Variants in SORBS2 observed in about 807,000 individuals in gnomAD.
SORBS2 encodes sorbin and SH3 domain-containing protein 2.
SORBS2 carries 46 observed loss-of-function variants against 97.7 expected under a neutral mutation model. The ratio of observed to expected loss-of-function variants is 0.47; its 90% CI spans 0.37 to 0.60. The LOEUF is 0.60. SORBS2 is among the 20% of genes least tolerant of loss of function. SORBS2 has a pLI of 0.00. For missense variants in SORBS2, 1,316 were observed against 1,282.3 expected (o/e 1.03, Z -0.40); for synonymous variants, 476 against 473.4 (o/e 1.01, Z -0.07).
intron 1 of SORBS2, among the ~76,000 whole-genome samples, chr4:185,941,001 A>G (rs567709862): frequency 6.6e-6 from 1 of 152,264 alleles, no homozygotes; most frequent in Non-Finnish European, 1.5e-5. Context: ...GCTACAATGC[A>G]CTGGACAGCT....
intron 2 of SORBS2, among the ~76,000 whole-genome samples, chr4:185,768,705 AAAAAAAC>A (rs2098951111): frequency 9.7e-6 from 1 of 102,800 alleles, no homozygotes; most frequent in Non-Finnish European, 2.0e-5. Context: ...TCTCAAAAAA[AAAAAAAC>A]AAAAAAACAA....
intron 1 of SORBS2, among the ~76,000 whole-genome samples, chr4:185,879,589 C>T (rs1042799604): frequency 6.6e-6 from 1 of 152,162 alleles, no homozygotes; most frequent in Admixed American, 6.5e-5. Context: ...CCTGAGGAAT[C>T]GCCACAATGA....
chr4:185,683,700 G>A, intron 2 of SORBS2, among the ~76,000 whole-genome samples: 1 of 152,034 alleles, frequency 6.6e-6, no homozygotes, highest in South Asian at 2.1e-4. Context: ...TCACTAGCCT[G>A]GCATTTAAAC....
chr4:185,702,683 A>T (rs1251754141), intron 2 of SORBS2, among the ~76,000 whole-genome samples: 1 of 151,696 alleles, frequency 6.6e-6, no homozygotes, highest in Non-Finnish European at 1.5e-5. Context: ...ATTGTACTAA[A>T]GTGGGAGTCG....
intron 1 of SORBS2, among the ~76,000 whole-genome samples, chr4:185,816,181 T>C (rs186327094): frequency 6.6e-6 from 1 of 152,356 alleles, no homozygotes; most frequent in East Asian, 1.9e-4. Context: ...CTGGTTCGTA[T>C]TTTGAAATCC....
rs556189762 is a variant in SORBS2, at chr4:185,626,069, A to G, written c.634+763T>C. The stretch of plus-strand genomic sequence containing the variant: ...GGGGCTGGTTCAATCCTCACTCTCC[A>G]TCTCAGAAATATTCCTGTCCTCAAG... On this transcript the variant is annotated intron_variant, in intron 6 of 14. Coordinates refer to ENST00000418609, the Ensembl canonical transcript of SORBS2. Among the ~76,000 whole-genome samples, 37 of 152,348 alleles carry G rather than the reference A, an allele frequency of 2.4e-4. No homozygotes were observed. In the South Asian group the frequency reaches 6.0e-3, roughly 25 times the overall value.
intron 1 of SORBS2, among the ~76,000 whole-genome samples, chr4:185,824,988 G>A (rs1413708670): frequency 6.6e-6 from 1 of 152,158 alleles, no homozygotes; most frequent in Non-Finnish European, 1.5e-5. Flanking sequence ...CAGTTTCTGA[G>A]AGGAACACCT....
chr4:185,861,257 T>C (rs1018990558), intron 1 of SORBS2, among the ~76,000 whole-genome samples: 5 of 149,094 alleles, frequency 3.4e-5, no homozygotes, highest in African/African-American at 1.2e-4. Context: ...TTTTCAGGTT[T>C]CTTTGGAATG....
chr4:185,773,947 T>TG (rs1298462379), intron 2 of SORBS2: 1 of 150,464 alleles, frequency 6.6e-6, no homozygotes, highest in Non-Finnish European at 1.5e-5. Flanking sequence ...TACTAAGGTT[T>TG]TTTTTTTTTT....
At chr4:185,949,713 C>G (rs561799140) in intron 1 of SORBS2, among the ~76,000 whole-genome samples, 1 of 152,166 alleles carries the variant, frequency 6.6e-6, no homozygotes, top group Non-Finnish European at 1.5e-5. Flanking sequence ...AAACGTAAAG[C>G]AGTTGTCTGG....
At chr4:185,708,300 T>A (rs991760778) in intron 2 of SORBS2, among the ~76,000 whole-genome samples, 1 of 152,346 alleles carries the variant, frequency 6.6e-6, no homozygotes, top group Non-Finnish European at 1.5e-5. Context: ...TAACTCACGA[T>A]AAATAAATGT....
intron 4 of SORBS2, among the ~76,000 whole-genome samples, chr4:185,663,740 C>G (rs1294030679): frequency 6.6e-6 from 1 of 151,904 alleles, no homozygotes; most frequent in East Asian, 1.9e-4. Flanking sequence ...TAAAAACCAT[C>G]AGGTTAACTA....
chr4:185,627,160 C>T (rs2096828865), intron 5 of SORBS2, 141 bp from the exon 18 acceptor site: 2 of 649,990 alleles, frequency 3.1e-6, no homozygotes, highest in African/African-American at 3.6e-5. Flanking sequence ...GAACTCATCC[C>T]TTGATGTTCA....
At chr4:185,780,485 T>C (rs1160500522) in intron 1 of SORBS2, among the ~76,000 whole-genome samples, 2 of 152,152 alleles carry the variant, frequency 1.3e-5, no homozygotes, top group Non-Finnish European at 2.9e-5. Context: ...AATGCATGCA[T>C]CGGGCTGGAA....
chr4:185,640,582 T>C (rs998145642), intron 4 of SORBS2, among the ~76,000 whole-genome samples: 5 of 152,254 alleles, frequency 3.3e-5, no homozygotes, highest in Non-Finnish European at 7.3e-5. Flanking sequence ...CAAAATATTC[T>C]AGTAACCAAT....
At chr4:185,937,814 G>A (rs919836694) in intron 1 of SORBS2, among the ~76,000 whole-genome samples, 6 of 152,212 alleles carry the variant, frequency 3.9e-5, no homozygotes, top group Admixed American at 2.0e-4. Flanking sequence ...GTGCTGTGCT[G>A]TGGAGTCGGC....
exon 15 of SORBS2, chr4:185,587,662 C>G: frequency 6.2e-7 from 1 of 1,613,382 alleles, no homozygotes; most frequent in Non-Finnish European, 8.5e-7. Flanking sequence ...GGGAAAGTAC[C>G]AAAGAATTTG....
chr4:185,808,976 T>G (rs2099168085), intron 1 of SORBS2, among the ~76,000 whole-genome samples: 1 of 152,168 alleles, frequency 6.6e-6, no homozygotes, highest in South Asian at 2.1e-4. Flanking sequence ...ATTGTAAAAT[T>G]TTCCCTCGGG....
intron 1 of SORBS2, among the ~76,000 whole-genome samples, chr4:185,955,418 CCT>C (rs1309405228): frequency 2.6e-5 from 4 of 152,226 alleles, no homozygotes; most frequent in Admixed American, 2.0e-4. Flanking sequence ...GATGAAAGTC[CCT>C]GTTATAGCTA....
Sources: allele counts gnomAD v4.1 joint callset (sites outside exome capture counted in the v4.1 genomes callset), GRCh38; gene constraint gnomAD v4.1.1; transcripts MANE v1.5; gene names NCBI Gene and HGNC (gene_info 2026-07-23, HGNC 2026-07-21).